PHF24: variants seen among roughly 807,000 people sequenced by gnomAD.
The protein encoded by PHF24 is PHD finger protein 24, also known as Galpha inhibitory interacting protein.
In PHF24, 25 loss-of-function variants were observed where a neutral mutation model predicts 42.6. The ratio of observed to expected loss-of-function variants is 0.59; its 90% CI spans 0.43 to 0.82. The LOEUF (loss-of-function observed/expected upper bound fraction) is 0.82, where lower values mean the gene tolerates loss of function less well. Ranked by LOEUF, PHF24 falls within the 40% of genes least tolerant of loss-of-function variation. The pLI, the probability that PHF24 is intolerant of heterozygous loss-of-function variation, is 0.00. For missense variants in PHF24, 470 were observed against 538.1 expected (o/e 0.87, Z 1.25); for synonymous variants, 185 against 204.8 (o/e 0.90, Z 0.83).
At chr9:34,669,638 G>C in the PHF24 span, among the ~76,000 whole-genome samples, 1 of 151,852 alleles carries the variant, frequency 6.6e-6, no homozygotes, top group Non-Finnish European at 1.5e-5. Flanking sequence ...AGTGTGTGTG[G>C]ATCTGTAGGA....
chr9:34,712,258 C>G, the PHF24 span, among the ~76,000 whole-genome samples: 1 of 152,050 alleles, frequency 6.6e-6, no homozygotes, highest in Non-Finnish European at 1.5e-5. Context: ...AACAATTTGA[C>G]TATAATTTGT....
chr9:34,838,096 C>T, the PHF24 span, among the ~76,000 whole-genome samples: 1 of 152,152 alleles, frequency 6.6e-6, no homozygotes, highest in Admixed American at 6.5e-5. Context: ...TGAGATAGAT[C>T]CCATATCATC....
chr9:34,911,527 C>CCCCATAA, the PHF24 span, among the ~76,000 whole-genome samples: 2 of 152,220 alleles, frequency 1.3e-5, no homozygotes, highest in South Asian at 4.1e-4. Flanking sequence ...GCCGGGATTA[C>CCCCATAA]AGGCGTGAGC....
At chr9:34,830,827 C>T in the PHF24 span, among the ~76,000 whole-genome samples, 4 of 152,200 alleles carry the variant, frequency 2.6e-5, no homozygotes, top group African/African-American at 9.7e-5. Flanking sequence ...CATTTCTTAG[C>T]AGCTCCTTGT....
At chr9:34,867,095 G>A in the PHF24 span, among the ~76,000 whole-genome samples, 1 of 152,148 alleles carries the variant, frequency 6.6e-6, no homozygotes, top group East Asian at 1.9e-4. Flanking sequence ...GCCTCTGGGG[G>A]TCTGGGCTGA....
At chr9:34,934,147 C>A in the PHF24 span, among the ~76,000 whole-genome samples, 25 of 152,284 alleles carry the variant, frequency 1.6e-4, no homozygotes, top group African/African-American at 5.8e-4. Flanking sequence ...CTCAAAATCA[C>A]ACTGGGAGTA....
At chr9:34,794,053 G>A in the PHF24 span, among the ~76,000 whole-genome samples, 2 of 152,058 alleles carry the variant, frequency 1.3e-5, no homozygotes, top group South Asian at 4.1e-4. Context: ...TGCAGAGAGG[G>A]AGGAGCTTGG....
At chr9:34,903,237 A>G in the PHF24 span, among the ~76,000 whole-genome samples, 2 of 152,238 alleles carry the variant, frequency 1.3e-5, no homozygotes, top group African/African-American at 4.8e-5. Flanking sequence ...ATGATTATAA[A>G]TAAGCTGTTT....
chr9:34,972,318 C>G, intron 2 of PHF24, 28 bp from the exon 3 acceptor site: 1 of 1,576,870 alleles, frequency 6.3e-7, no homozygotes, highest in Non-Finnish European at 8.6e-7. Context: ...TTTACACATC[C>G]CTGTTTCCTC....
chr9:34,892,821 G>A, the PHF24 span: 2 of 678,622 alleles, frequency 2.9e-6, no homozygotes, highest in Non-Finnish European at 5.4e-6. Flanking sequence ...CAGGAATCTT[G>A]GACGCTGTCT....
chr9:34,973,885 C>T (rs1449773360), intron 3 of PHF24, among the ~76,000 whole-genome samples: 1 of 152,216 alleles, frequency 6.6e-6, no homozygotes, highest in Non-Finnish European at 1.5e-5. Context: ...ACTGCTCCCT[C>T]CCCAGCTTCC....
intron 2 of PHF24, 27 bp downstream of exon 2, chr9:34,971,703 T>A: frequency 1.3e-6 from 2 of 1,574,426 alleles, no homozygotes; most frequent in Non-Finnish European, 1.7e-6. Flanking sequence ...GACAGGATCC[T>A]CAAGTCTTAG....
the PHF24 span, among the ~76,000 whole-genome samples, chr9:34,936,873 C>T: frequency 6.6e-6 from 1 of 151,468 alleles, no homozygotes; most frequent in Non-Finnish European, 1.5e-5. Context: ...CTCCGCCCGG[C>T]AGCCGCCCCG....
the PHF24 span, among the ~76,000 whole-genome samples, chr9:34,767,953 C>A: frequency 6.6e-6 from 1 of 152,224 alleles, no homozygotes; most frequent in African/African-American, 2.4e-5. Flanking sequence ...CATCTACCGA[C>A]ACTATGGAAG....
chr9:34,896,883 C>T, the PHF24 span, among the ~76,000 whole-genome samples: 27 of 152,180 alleles, frequency 1.8e-4, no homozygotes, highest in Admixed American at 1.4e-3. Context: ...GGGCCAAGTG[C>T]GGCGGCTCAC....
At chr9:34,771,061 C>T in the PHF24 span, among the ~76,000 whole-genome samples, 1 of 152,014 alleles carries the variant, frequency 6.6e-6, no homozygotes, top group South Asian at 2.1e-4. Context: ...TGCAGTGAGC[C>T]GAGATTGAGC....
the PHF24 span, among the ~76,000 whole-genome samples, chr9:34,945,139 C>A: frequency 1.3e-5 from 2 of 152,152 alleles, no homozygotes; most frequent in East Asian, 1.9e-4. Flanking sequence ...TCCCAGGTAA[C>A]CTCTAGTGAA....
At chr9:34,760,083 G>C in the PHF24 span, among the ~76,000 whole-genome samples, 22 of 152,310 alleles carry the variant, frequency 1.4e-4, no homozygotes, top group African/African-American at 5.1e-4. Flanking sequence ...TCGTGGTTGA[G>C]AGCGAACAGC....
chr9:34,951,787 C>A, the PHF24 span, among the ~76,000 whole-genome samples: 1 of 152,224 alleles, frequency 6.6e-6, no homozygotes, highest in African/African-American at 2.4e-5. Context: ...CACTTCAAAG[C>A]TCACTCAGAT....
Sources: allele counts gnomAD v4.1 joint callset (sites outside exome capture counted in the v4.1 genomes callset), GRCh38; gene constraint gnomAD v4.1.1; transcripts MANE v1.5; gene names NCBI Gene and HGNC (gene_info 2026-07-23, HGNC 2026-07-21).